TTLL5: variants seen among roughly 807,000 people sequenced by gnomAD.
The protein encoded by TTLL5 is tubulin tyrosine ligase like 5.
Under a neutral mutation model 168.4 loss-of-function variants are expected in TTLL5, and 132 were observed. The observed-to-expected ratio is 0.78, with a 90% CI of 0.68 to 0.91. The LOEUF (loss-of-function observed/expected upper bound fraction) is 0.91. TTLL5 is among the 40% of genes least tolerant of loss of function. The pLI is 0.00. For missense variants in TTLL5, 1,545 were observed against 1,581.5 expected, an observed-to-expected ratio of 0.98 and a Z score of 0.39; for synonymous variants, 546 against 558.6, an observed-to-expected ratio of 0.98 and a Z score of 0.32.
intron 12 of TTLL5, among the ~76,000 whole-genome samples, chr14:75,720,973 A>G (rs1360843283): frequency 2.0e-5 from 3 of 152,204 alleles, no homozygotes; most frequent in South Asian, 2.1e-4. Flanking sequence ...AGTCAGAAAA[A>G]GTCTGCAACG....
At chr14:75,691,021 T>A (rs548767995) in intron 6 of TTLL5, among the ~76,000 whole-genome samples, 1 of 152,368 alleles carries the variant, frequency 6.6e-6, no homozygotes, top group East Asian at 1.9e-4. Context: ...CCTTGATTTC[T>A]TGTCTTCTGT....
rs1269222089 is a variant in TTLL5, at chr14:75,792,976, A to G, written c.3047A>G (p.Asp1016Gly). ...GIAKTQKEGE[D>G]ASLYSKRYNQ... ...GCCAAAACACAAAAAGAGGGAGAAG[A>G]TGCTTCTTTATATAGCAAACGGTAC... Residue 1016 changes from aspartate (D) to glycine (G), a missense_variant, in exon 27 of 32, where the codon GAT (aspartate) becomes GGT (glycine). Asp to Gly is a moderately conservative substitution (Grantham distance 94). Coordinates refer to ENST00000298832, the MANE Select transcript of TTLL5 (RefSeq NM_015072.5). 1 of 1,613,378 alleles carries G rather than the reference A, an allele frequency of 6.2e-7. No individual in the cohort carries two copies.
chr14:75,867,899 G>A (rs1032763282), intron 29 of TTLL5, among the ~76,000 whole-genome samples: 4 of 152,094 alleles, frequency 2.6e-5, no homozygotes, highest in African/African-American at 9.7e-5. Flanking sequence ...TTCTTCTCCT[G>A]CTGTCTTCCT....
At chr14:75,899,860 C>A (rs1055798396) in intron 30 of TTLL5, among the ~76,000 whole-genome samples, 2 of 151,918 alleles carry the variant, frequency 1.3e-5, no homozygotes, top group African/African-American at 4.8e-5. Context: ...CCCAGGGACT[C>A]TTCTCATCCC....
At chr14:75,834,951 C>G (rs916069950) in intron 28 of TTLL5, among the ~76,000 whole-genome samples, 45 of 152,162 alleles carry the variant, frequency 3.0e-4, no homozygotes, top group African/African-American at 7.5e-4. Context: ...GCCTGTAGTT[C>G]CAGCTACTCA....
intron 28 of TTLL5, among the ~76,000 whole-genome samples, chr14:75,833,940 C>A (rs1256525939): frequency 6.6e-6 from 1 of 152,054 alleles, no homozygotes; most frequent in Admixed American, 6.6e-5. Context: ...TGCTATTATC[C>A]CAGATAGAGG....
At chr14:75,919,197 CAAAAAAAAAAAAAAA>C (rs10655974) in intron 31 of TTLL5, among the ~76,000 whole-genome samples, 1 of 56,104 alleles carries the variant, frequency 1.8e-5, no homozygotes, top group East Asian at 6.5e-4. Flanking sequence ...AAGACCGTCT[CAAAAAAAAAAAAAAA>C]AAAAAAAAAG....
At chr14:75,838,575 CAA>C (rs1434178820) in intron 28 of TTLL5, 4 of 149,426 alleles carry the variant, frequency 2.7e-5, no homozygotes, top group Non-Finnish European at 4.5e-5. Context: ...AAAAAAAAAA[CAA>C]AAAGATCTTG....
rs192985158 is a variant in TTLL5 at position 75,783,090 on chromosome 14, G to A, written c.2603-57G>A. 66 of 1,482,248 alleles carry A rather than the reference G, an allele frequency of 4.5e-5. 1 individual carries two copies. The African/African-American group carries it at 6.3e-4, about 14-fold the overall frequency. 91.8% of individuals were successfully genotyped at this position (1,482,248 alleles called of 1,614,324 possible). On this transcript the variant is annotated intron_variant, in intron 25 of 31. Coordinates refer to ENST00000298832, the MANE Select transcript of TTLL5 (RefSeq NM_015072.5). ...ATGTTTTAAAAATATTTGTTTTATA[G>A]AGATTGTATGTTTGTTTTTCCTATA...
intron 31 of TTLL5, among the ~76,000 whole-genome samples, chr14:75,905,113 A>G (rs1331572713): frequency 2.0e-5 from 3 of 152,200 alleles, no homozygotes. Context: ...GTAAACCCAC[A>G]AGAAAGAAGA....
intron 29 of TTLL5, among the ~76,000 whole-genome samples, chr14:75,869,821 A>ATTTTGTTTTTTTTT (rs2030864662): frequency 1.2e-5 from 1 of 82,416 alleles, no homozygotes; most frequent in African/African-American, 5.0e-5. Context: ...TTCAACAAGT[A>ATTTTGTTTTTTTTT]TTTTTTTTTT....
intron 27 of TTLL5, among the ~76,000 whole-genome samples, chr14:75,799,038 A>G (rs1893141162): frequency 6.6e-6 from 1 of 152,094 alleles, no homozygotes; most frequent in Admixed American, 6.6e-5. Flanking sequence ...TGTGTTGATG[A>G]CCTGCCTAGT....
rs756685377 is a variant in TTLL5 at position 75,745,172 on chromosome 14, G to A, written c.1359G>A (p.Lys453=). ...VGSAREKGPG[K]LGGSVLGLSM... ...CAGCCCGGGAGAAAGGGCCAGGGAAGTTGGGTGGTTCTGTGCTTGGTCTGT... is the reference window on the plus strand; with the variant it reads ...CAGCCCGGGAGAAAGGGCCAGGGAAATTGGGTGGTTCTGTGCTTGGTCTGT... The change falls in exon 16 of 32, where the codon AAG becomes AAA. Residue 453 remains lysine (K), a synonymous_variant. Transcript: ENST00000298832. The A allele has an allele frequency of 3.1e-6, 5 of 1,613,906 alleles. No individual in the cohort carries two copies. The African/African-American group carries it at 5.3e-5, about 17-fold the overall frequency.
At chr14:75,839,081 AC>A (rs1474336828) in intron 28 of TTLL5, 1 of 156,056 alleles carries the variant, frequency 6.4e-6, no homozygotes, top group Non-Finnish European at 1.4e-5. Flanking sequence ...TGCTCCAGGG[AC>A]TTGATTTTCA....
At chr14:75,732,058 C>A in intron 12 of TTLL5, 9 of 181,158 alleles carry the variant, frequency 5.0e-5, no homozygotes, top group Non-Finnish European at 7.6e-5. Flanking sequence ...GTTAACTATT[C>A]TAGAGTCAGG....
intron 27 of TTLL5, among the ~76,000 whole-genome samples, chr14:75,798,391 T>A (rs1024509384): frequency 6.6e-6 from 1 of 151,962 alleles, no homozygotes; most frequent in Admixed American, 6.6e-5. Flanking sequence ...TTATTTATTT[T>A]TTTTTCAAAG....
chr14:75,869,771 G>T (rs1314210508), intron 29 of TTLL5, among the ~76,000 whole-genome samples: 2 of 142,182 alleles, frequency 1.4e-5, no homozygotes, highest in African/African-American at 5.2e-5. Context: ...AACAGCAACT[G>T]TAAGTACTAT....
intron 3 of TTLL5, among the ~76,000 whole-genome samples, chr14:75,672,335 C>T (rs1225384483): frequency 1.3e-5 from 2 of 152,166 alleles, no homozygotes; most frequent in African/African-American, 4.8e-5. Flanking sequence ...CAACCTCCTC[C>T]TCCTGAGTTC....
chr14:75,820,131 C>T lies in TTLL5; in HGVS notation c.3296C>T (p.Pro1099Leu). Residue 1099 changes from proline (P) to leucine (L), a missense_variant, in exon 28 of 32, where the codon CCC becomes CTC. By Grantham distance (98) the Pro-to-Leu change is moderately conservative. Coordinates refer to ENST00000298832, the MANE Select transcript of TTLL5 (RefSeq NM_015072.5). Reference sequence around the variant, plus strand: ...TCTACACAGTCAGACCCCCAAGCTCCCGAGAATCACTCCAGCTCTCCTGGA... The same window carrying T: ...TCTACACAGTCAGACCCCCAAGCTCTCGAGAATCACTCCAGCTCTCCTGGA... ...TWSTQSDPQA[P>L]ENHSSSPGSR... 6.3e-7 allele frequency: 1 copy of T among 1,599,824 alleles called. No individual in the cohort carries two copies. Among genetic ancestry groups the T allele is most frequent in the Non-Finnish European group, 8.5e-7 (1 of 1,173,850 alleles).
Sources: allele counts gnomAD v4.1 joint callset (sites outside exome capture counted in the v4.1 genomes callset), GRCh38; gene constraint gnomAD v4.1.1; transcripts MANE v1.5; gene names NCBI Gene and HGNC (gene_info 2026-07-23, HGNC 2026-07-21).